The following MMP26 variants were observed in gnomAD, a reference collection of about 807,000 sequenced individuals.
MMP26 encodes the protein matrix metallopeptidase 26.
Under a neutral mutation model 31.0 loss-of-function variants are expected in MMP26, and 33 were observed. That is an observed-to-expected ratio of 1.06 (90% CI 0.81 to 1.42). The LOEUF is 1.42. Among genes scored for constraint, MMP26 ranks in the 40% most tolerant of loss-of-function variants. The pLI is 0.00. For synonymous variants in MMP26, 122 were observed against 114.9 expected, an observed-to-expected ratio of 1.06 and a Z score of -0.40; for missense variants, 347 against 316.1, an observed-to-expected ratio of 1.10 and a Z score of -0.74.
Position 4,830,520 on chromosome 11 carries a change from C to G in MMP26, c.-145+63179C>G, listed in dbSNP as rs114146494. ...AATAGTAACTCATGTATTGAGTTAC[C>G]TGAGTTACACTGGAAGCTTGTCAAG... On this transcript the variant is annotated intron_variant, in intron 2 of 7. Coordinates refer to ENST00000380390, the MANE Select transcript of MMP26 (RefSeq NM_021801.5). Among the ~76,000 whole-genome samples, 550 of 152,206 alleles carry G rather than the reference C, an allele frequency of 3.6e-3. 4 individuals are homozygous for G. Among genetic ancestry groups the G allele is most frequent in the African/African-American group, 0.011 (439 of 41,540 alleles).
chr11:4,948,851 A>G (rs1037197308), intron 2 of MMP26, among the ~76,000 whole-genome samples: 1 of 124,906 alleles, frequency 8.0e-6, no homozygotes, highest in Non-Finnish European at 1.8e-5. Context: ...TGCATCCCCA[A>G]TGAAAATAAG....
intron 1 of MMP26, among the ~76,000 whole-genome samples, chr11:4,743,899 G>T (rs1346378358): frequency 6.6e-6 from 1 of 152,094 alleles, no homozygotes; most frequent in Non-Finnish European, 1.5e-5. Context: ...TTGACCTCCT[G>T]GGCTCAAGTG....
intron 2 of MMP26, among the ~76,000 whole-genome samples, chr11:4,814,147 T>C (rs188597670): frequency 1.5e-3 from 229 of 152,296 alleles, no homozygotes; most frequent in Non-Finnish European, 2.7e-3. Flanking sequence ...ACACTAAGTA[T>C]TGGTAAAAAT....
chr11:4,780,024 G>A (rs539734542), intron 2 of MMP26, among the ~76,000 whole-genome samples: 1 of 152,182 alleles, frequency 6.6e-6, no homozygotes, highest in South Asian at 2.1e-4. Context: ...GTATGTAGTA[G>A]TTTTTCTCAT....
At chr11:4,807,711 T>C (rs370296226) in intron 2 of MMP26, among the ~76,000 whole-genome samples, 2 of 152,170 alleles carry the variant, frequency 1.3e-5, no homozygotes, top group African/African-American at 4.8e-5. Context: ...GGCACATGTA[T>C]ACATATGTAA....
At chr11:4,821,351 A>G in intron 2 of MMP26, 1 of 1,513,912 alleles carries the variant, frequency 6.6e-7, no homozygotes, top group Non-Finnish European at 9.1e-7. Context: ...GAGAGATGTT[A>G]CAAGTGATAA....
chr11:4,955,632 A>T (rs1468090290), intron 2 of MMP26: 2 of 1,504,626 alleles, frequency 1.3e-6, no homozygotes, highest in African/African-American at 2.8e-5. Context: ...ATAGAGATCC[A>T]GATGTGTGCA....
rs182379432 is a variant in MMP26, at chr11:4,867,127, A to T, written c.-145+99786A>T. Among the ~76,000 whole-genome samples, 25 of 152,310 alleles carry T rather than the reference A, an allele frequency of 1.6e-4. 1 individual carries two copies. Among genetic ancestry groups the T allele is most frequent in the African/African-American group, 5.8e-4 (24 of 41,580 alleles). Reference sequence around the variant, plus strand: ...GAGCTTCTGCACAGCAAAAGAAACTATCAACAGAGAAAATAGACAACATAC... The same window carrying T: ...GAGCTTCTGCACAGCAAAAGAAACTTTCAACAGAGAAAATAGACAACATAC... On this transcript the variant is annotated intron_variant, in intron 2 of 7. Coordinates refer to ENST00000380390, the MANE Select transcript of MMP26 (RefSeq NM_021801.5).
chr11:4,779,721 T>C (rs987789854), intron 2 of MMP26, among the ~76,000 whole-genome samples: 4 of 152,106 alleles, frequency 2.6e-5, no homozygotes, highest in Non-Finnish European at 4.4e-5. Flanking sequence ...AAATTTCATC[T>C]AAGTTTTCAA....
At position 4,947,754 on chromosome 11, in the gene MMP26, A is replaced by G. The variant is rs1410601603; in HGVS notation, c.-144-40314A>G. On this transcript the variant is annotated intron_variant, in intron 2 of 7. Coordinates refer to ENST00000380390, the MANE Select transcript of MMP26 (RefSeq NM_021801.5). ...AGATTTTGTCTGACAATAAGAATAA[A>G]CATTTGCAGATGCAGTAAATCTACA... 9 of 125,632 alleles carry G rather than the reference A, an allele frequency of 7.2e-5. 1 individual carries two copies. The highest frequency in any genetic ancestry group is 2.4e-4 in the African/African-American group (9 of 36,954). The allele number at this position is 125,632 out of a possible 1,614,324, so 7.8% of individuals were successfully genotyped here.
intron 2 of MMP26, among the ~76,000 whole-genome samples, chr11:4,823,382 A>G (rs1849537519): frequency 6.6e-6 from 1 of 152,148 alleles, no homozygotes; most frequent in Non-Finnish European, 1.5e-5. Context: ...CAGACTTCAG[A>G]CAACTTCTCC....
At chr11:4,803,009 C>T (rs1433058828) in intron 2 of MMP26, among the ~76,000 whole-genome samples, 2 of 152,140 alleles carry the variant, frequency 1.3e-5, no homozygotes, top group African/African-American at 4.8e-5. Context: ...TTTTTATAAA[C>T]ATATTCTCAG....
chr11:4,907,653 A>C (rs1395100506), intron 2 of MMP26: 1 of 1,613,986 alleles, frequency 6.2e-7, no homozygotes, highest in Admixed American at 1.7e-5. Flanking sequence ...ATTTCACCTA[A>C]TGCCTGCTTT....
intron 2 of MMP26, chr11:4,915,299 G>A: frequency 6.2e-7 from 1 of 1,614,036 alleles, no homozygotes; most frequent in Admixed American, 1.7e-5. Flanking sequence ...AAAGGCCATA[G>A]ACAGTAGCAC....
At chr11:4,836,646 G>A (rs972871628) in intron 2 of MMP26, among the ~76,000 whole-genome samples, 5 of 136,182 alleles carry the variant, frequency 3.7e-5, no homozygotes. Context: ...TGGAATCAAA[G>A]ACATCTTTTT....
chr11:4,772,524 T>C (rs79247095), intron 2 of MMP26, among the ~76,000 whole-genome samples: 3,028 of 152,248 alleles, frequency 0.02, 58 homozygotes, highest in South Asian at 0.078. Flanking sequence ...CCCCAGTAAA[T>C]GTGTCAGCTC....
At chr11:4,723,465 C>T (rs1188499953) in intron 1 of MMP26, 2 of 1,082,556 alleles carry the variant, frequency 1.8e-6, no homozygotes, top group South Asian at 1.2e-5. Flanking sequence ...CAGATGTGTC[C>T]GAAATCTGGG....
intron 2 of MMP26, among the ~76,000 whole-genome samples, chr11:4,869,704 A>C (rs1280215228): frequency 5.9e-5 from 9 of 152,262 alleles, no homozygotes; most frequent in East Asian, 3.9e-4. Flanking sequence ...TTGACCCAGC[A>C]ATCCCATTAC....
chr11:4,979,300 A>G (rs768624324), intron 2 of MMP26, among the ~76,000 whole-genome samples: 10 of 152,092 alleles, frequency 6.6e-5, no homozygotes, highest in Non-Finnish European at 1.0e-4. Context: ...CAAACCAATG[A>G]TTGAATAAAT....
Sources: allele counts gnomAD v4.1 joint callset (sites outside exome capture counted in the v4.1 genomes callset), GRCh38; gene constraint gnomAD v4.1.1; transcripts MANE v1.5; gene names NCBI Gene and HGNC (gene_info 2026-07-23, HGNC 2026-07-21).